Variants in PPP1R13B observed in about 807,000 individuals in gnomAD.
PPP1R13B encodes the protein protein phosphatase 1 regulatory subunit 13B.
A neutral mutation model predicts 119.8 loss-of-function variants in PPP1R13B; 44 were observed. The observed-to-expected ratio is 0.37, with a 90% confidence interval of 0.29 to 0.47. The LOEUF (loss-of-function observed/expected upper bound fraction) is 0.47. Ranked by LOEUF, PPP1R13B falls within the 20% of genes least tolerant of loss-of-function variation. The pLI is 0.99. For missense variants in PPP1R13B, 1,227 were observed against 1,413.5 expected (o/e 0.87, Z 2.12); for synonymous variants, 542 against 561.5 (o/e 0.97, Z 0.49).
rs2084271191 is a variant in PPP1R13B at position 103,742,004 on chromosome 14, A to G, written c.1608T>C (p.Pro536=). 6.2e-7 allele frequency: 1 copy of G among 1,614,270 alleles called. No individual in the cohort carries two copies. The highest frequency in any genetic ancestry group is 8.5e-7 in the Non-Finnish European group (1 of 1,180,048). Residue 536 remains proline, a synonymous_variant, in exon 11 of 17, where the codon CCT becomes CCC. Coordinates refer to ENST00000202556, the MANE Select transcript of PPP1R13B (RefSeq NM_015316.3). The surrounding 1 kb of genome is among the most constrained non-coding windows in gnomAD (Gnocchi z 4.9). Reference sequence around the variant, plus strand: ...GCTTGCTGTCCCCAGCTGGAAATGCAGGTGGTCCCGCTGGCGGGTACGTGG... The same window carrying G: ...GCTTGCTGTCCCCAGCTGGAAATGCGGGTGGTCCCGCTGGCGGGTACGTGG... ...PSPTYPPAGP[P]AFPAGDSKPE...
At chr14:103,816,082 T>C (rs936302453) in intron 1 of PPP1R13B, among the ~76,000 whole-genome samples, 1 of 151,426 alleles carries the variant, frequency 6.6e-6, no homozygotes, top group Admixed American at 6.6e-5. Flanking sequence ...AGACTCCATC[T>C]CAAAACAAAC....
intron 1 of PPP1R13B, 151 bp from the exon 2 acceptor site, chr14:103,797,669 A>C (rs1409992685): frequency 2.6e-5 from 12 of 467,280 alleles, no homozygotes; most frequent in Non-Finnish European, 4.6e-5. Context: ...CTGATTCTAA[A>C]GTTCATGTAG....
intron 2 of PPP1R13B, among the ~76,000 whole-genome samples, chr14:103,794,412 C>T (rs56726846): frequency 3.3e-5 from 5 of 151,656 alleles, no homozygotes; most frequent in African/African-American, 9.7e-5. Flanking sequence ...CTGCAACCTC[C>T]GCCTCCCAGG....
chr14:103,785,306 G>A (rs1198916829), intron 2 of PPP1R13B, among the ~76,000 whole-genome samples: 1 of 152,078 alleles, frequency 6.6e-6, no homozygotes, highest in Admixed American at 6.6e-5. Context: ...CGCAACCTCC[G>A]CTTCTGGGTT....
intron 5 of PPP1R13B, among the ~76,000 whole-genome samples, chr14:103,755,277 T>C (rs1229753745): frequency 6.6e-6 from 1 of 152,174 alleles, no homozygotes; most frequent in East Asian, 1.9e-4. Context: ...ATCTAATTCA[T>C]TTCCTAAAGG....
At chr14:103,765,673 A>C (rs1261201168) in intron 4 of PPP1R13B, among the ~76,000 whole-genome samples, 1 of 152,122 alleles carries the variant, frequency 6.6e-6, no homozygotes, top group South Asian at 2.1e-4. Flanking sequence ...CCCGCTGCCC[A>C]CAGTGCCCTT....
chr14:103,802,578 G>A (rs1451104671), intron 1 of PPP1R13B, among the ~76,000 whole-genome samples: 1 of 152,136 alleles, frequency 6.6e-6, no homozygotes, highest in Admixed American at 6.6e-5. Flanking sequence ...CACAATCATT[G>A]CCTCATGAAT....
chr14:103,835,377 T>A (rs12886840), intron 1 of PPP1R13B, among the ~76,000 whole-genome samples: 67,274 of 151,044 alleles, frequency 0.45, 15,445 homozygotes, highest in African/African-American at 0.56. Flanking sequence ...CTCCCACCTC[T>A]GCCTCCCAAA....
chr14:103,835,631 C>T (rs1166556184), intron 1 of PPP1R13B, among the ~76,000 whole-genome samples: 5 of 150,404 alleles, frequency 3.3e-5, no homozygotes, highest in Admixed American at 2.0e-4. Flanking sequence ...TTTTTTGAGA[C>T]GGAGTCTCGC....
At chr14:103,756,569 C>A (rs1446643897) in intron 5 of PPP1R13B, among the ~76,000 whole-genome samples, 3 of 152,116 alleles carry the variant, frequency 2.0e-5, no homozygotes, top group African/African-American at 7.2e-5. Flanking sequence ...CTGTAATAAA[C>A]CAAACAAGTC....
intron 8 of PPP1R13B, chr14:103,747,207 CA>C (rs2084407567): frequency 6.6e-6 from 1 of 152,206 alleles, no homozygotes; most frequent in East Asian, 1.9e-4. Flanking sequence ...CTCAAGATTT[CA>C]ATATAGGCTC....
Position 103,843,966 on chromosome 14 carries a change from A to AG in PPP1R13B, c.9+3332dup, listed in dbSNP as rs1327124609. 6.0e-5 allele frequency among the ~76,000 whole-genome samples: 9 copies of AG among 149,752 alleles called. No homozygotes were observed. In the East Asian group the frequency reaches 1.2e-3, roughly 20 times the overall value. ...GACTCCGTCTCAAAAAAAAAAAAAAAGTGGAAAGGCCAGGTGCAGGGGCAG... is the reference window on the plus strand; with the variant it reads ...GACTCCGTCTCAAAAAAAAAAAAAAAGGTGGAAAGGCCAGGTGCAGGGGCAG... On this transcript the variant is annotated intron_variant, in intron 1 of 16. Transcript: ENST00000202556.
intron 4 of PPP1R13B, among the ~76,000 whole-genome samples, chr14:103,769,463 C>T (rs1330745298): frequency 1.3e-5 from 2 of 152,054 alleles, no homozygotes; most frequent in Admixed American, 6.6e-5. Context: ...TGGTCTCAAA[C>T]TCCTAGTCTC....
In PPP1R13B at chr14:103,847,547, C is replaced by T. The variant is rs2087085568; in HGVS notation, c.-240G>A. The T allele has an allele frequency of 4.1e-6, 4 of 986,396 alleles. No homozygotes were observed. In the South Asian group the frequency reaches 1.4e-4, roughly 33 times the overall value. 61.1% of individuals were successfully genotyped at this position (986,396 alleles called of 1,614,324 possible). ...GCCGCCGCCGCCGCCTCAACCTCAGCCTCAGCCTCAGCCCCAGCCCGACAG... is the reference window on the plus strand; with the variant it reads ...GCCGCCGCCGCCGCCTCAACCTCAGTCTCAGCCTCAGCCCCAGCCCGACAG... On this transcript the variant is annotated 5_prime_UTR_variant, in exon 1 of 17. Coordinates refer to ENST00000202556, the MANE Select transcript of PPP1R13B (RefSeq NM_015316.3).
At chr14:103,836,541 C>A (rs1227250306) in intron 1 of PPP1R13B, among the ~76,000 whole-genome samples, 1 of 151,826 alleles carries the variant, frequency 6.6e-6, no homozygotes, top group Non-Finnish European at 1.5e-5. Context: ...GAGGGAGAGG[C>A]AGGCGGATCA....
intron 1 of PPP1R13B, among the ~76,000 whole-genome samples, chr14:103,813,859 A>C (rs547390902): frequency 6.6e-6 from 1 of 152,312 alleles, no homozygotes; most frequent in South Asian, 2.1e-4. Flanking sequence ...GGGCCTCATG[A>C]AACCTACCAG....
chr14:103,735,150 A>T lies in PPP1R13B; in HGVS notation c.*4T>A. 1 of 1,614,114 alleles carries T rather than the reference A, an allele frequency of 6.2e-7. No individual in the cohort carries two copies. Among genetic ancestry groups the T allele is most frequent in the Non-Finnish European group, 8.5e-7 (1 of 1,179,998 alleles). ...CAAGACCATGCGGTGCTCCAAAAGGAAGTTCAGGCGAGTGTTCGCTGTCGG... is the reference window on the plus strand; with the variant it reads ...CAAGACCATGCGGTGCTCCAAAAGGTAGTTCAGGCGAGTGTTCGCTGTCGG... On this transcript the variant is annotated 3_prime_UTR_variant, in exon 17 of 17. Transcript: ENST00000202556.
chr14:103,768,164 G>A (rs1449248318), intron 4 of PPP1R13B, among the ~76,000 whole-genome samples: 4 of 151,120 alleles, frequency 2.6e-5, no homozygotes, highest in Non-Finnish European at 5.9e-5. Flanking sequence ...ACCCAGGCTG[G>A]AGTGCAGTGG....
chr14:103,820,507 TAGAC>T (rs1256187415), intron 1 of PPP1R13B, among the ~76,000 whole-genome samples: 6 of 151,598 alleles, frequency 4.0e-5, no homozygotes, highest in African/African-American at 7.3e-5. Context: ...TTTTTTTTAA[TAGAC>T]AGGGTCTCAC....
Sources: allele counts gnomAD v4.1 joint callset (sites outside exome capture counted in the v4.1 genomes callset), GRCh38; gene constraint gnomAD v4.1.1; non-coding constraint Gnocchi (gnomAD v3.1); transcripts MANE v1.5; gene names NCBI Gene and HGNC (gene_info 2026-07-23, HGNC 2026-07-21).